Variants in FERMT1 observed in about 807,000 individuals in gnomAD.
FERMT1 encodes FERM domain containing kindlin 1.
Under a neutral mutation model 85.3 loss-of-function variants are expected in FERMT1, and 60 were observed. The ratio of observed to expected loss-of-function variants is 0.70; its 90% confidence interval spans 0.57 to 0.87. The LOEUF (loss-of-function observed/expected upper bound fraction) is 0.87. Among genes scored for constraint, FERMT1 ranks in the 40% least tolerant of loss-of-function variants. FERMT1 has a pLI of 0.00. For synonymous variants in FERMT1, 275 were observed against 301.1 expected, an observed-to-expected ratio of 0.91 and a Z score of 0.90; for missense variants, 701 against 818.9, an observed-to-expected ratio of 0.86 and a Z score of 1.76.
At position 6,085,129 on chromosome 20, in the gene FERMT1, G is replaced by T; in HGVS notation, c.1530C>A (p.Asn510Lys). Residue 510 changes from asparagine (N) to lysine (K), a missense_variant, in exon 12 of 15, where the codon AAC (asparagine) becomes AAA (lysine). By Grantham distance (94) the Asn-to-Lys change is moderately conservative (BLOSUM62 0). Coordinates refer to ENST00000217289, the MANE Select transcript of FERMT1 (RefSeq NM_017671.5). Reference sequence around the variant, plus strand: ...CAAAACATTCTGGGTTCATATCCATGTTTTCGAGACTGGAAGCCACCTGAG... The same window carrying T: ...CAAAACATTCTGGGTTCATATCCATTTTTTCGAGACTGGAAGCCACCTGAG... ...SASQVASSLE[N>K]MDMNPECFVS... The T allele has an allele frequency of 6.2e-7, 1 of 1,614,188 alleles. No individual in the cohort carries two copies.
At chr20:6,101,924 G>T (rs538617998) in intron 6 of FERMT1, among the ~76,000 whole-genome samples, 3 of 152,330 alleles carry the variant, frequency 2.0e-5, no homozygotes, top group African/African-American at 7.2e-5. Context: ...CCAAAGTGCT[G>T]GGATTACAGG....
rs111823157 is a variant in FERMT1 at position 6,084,141 on chromosome 20, C to T, written c.1617G>A (p.Ala539=). 2.6e-5 allele frequency: 42 copies of T among 1,612,802 alleles called. No homozygotes were observed. Among genetic ancestry groups the T allele is most frequent in the South Asian group, 9.9e-5 (9 of 90,880 alleles). The part of the protein sequence containing the change: ...SKQLAARILE[A]HQNVAQMPLV... ...GGGGCATCTGGGCCACGTTCTGGTG[C>T]GCCTCCAGGATCCGGGCGGCCAGCT... Residue 539 remains alanine (A), a synonymous_variant, in exon 13 of 15, where the codon GCG becomes GCA. Coordinates refer to ENST00000217289, the MANE Select transcript of FERMT1 (RefSeq NM_017671.5).
chr20:6,115,359 A>AT (rs1983067828), intron 3 of FERMT1, among the ~76,000 whole-genome samples: 1 of 152,210 alleles, frequency 6.6e-6, no homozygotes, highest in African/African-American at 2.4e-5. Context: ...TTCATAAGTG[A>AT]TTTTTATGGG....
At chr20:6,114,120 A>G (rs1432279856) in intron 3 of FERMT1, among the ~76,000 whole-genome samples, 2 of 152,202 alleles carry the variant, frequency 1.3e-5, no homozygotes, top group Non-Finnish European at 2.9e-5. Context: ...GACTGAGCCT[A>G]GCAGTTTAGC....
chr20:6,100,878 A>T (rs1982643036), intron 6 of FERMT1, among the ~76,000 whole-genome samples: 1 of 152,218 alleles, frequency 6.6e-6, no homozygotes, highest in Non-Finnish European at 1.5e-5. Context: ...TAATTAAAAA[A>T]GTTTGTAATA....
At position 6,097,023 on chromosome 20, in the gene FERMT1, C is replaced by T; in HGVS notation, c.968G>A (p.Ser323Asn). ...LIFAALQYHISKLSLSAETQD... is the reference protein window; with the variant it reads ...LIFAALQYHINKLSLSAETQD... The stretch of plus-strand genomic sequence containing the variant: ...TGTTTCAGCAGACAACGACAGTTTG[C>T]TAATGTGGTACTAAAATGAAAACAG... The change falls in exon 8 of 15, where the codon AGC becomes AAC. Residue 323 changes from serine to asparagine, a missense_variant. Ser to Asn is a conservative substitution (Grantham distance 46). Transcript: ENST00000217289. The T allele has an allele frequency of 6.2e-7, 1 of 1,613,760 alleles. No homozygotes were observed. Among genetic ancestry groups the T allele is most frequent in the Non-Finnish European group, 8.5e-7 (1 of 1,179,804 alleles).
rs570623523 is a variant in FERMT1 at position 6,079,648 on chromosome 20, C to A, written c.1719-71G>T. 3.1e-5 allele frequency: 44 copies of A among 1,421,452 alleles called. 1 individual carries two copies. In the South Asian group the frequency reaches 5.1e-4, roughly 16 times the overall value. The allele number at this position is 1,421,452 out of a possible 1,614,324, so 88.1% of individuals were successfully genotyped here. ...TAATACAATGTTCACTCACATATAA[C>A]TTCTTAAAAATACTACCAGTATTTC... On this transcript the variant is annotated intron_variant, in intron 13 of 14. Transcript: ENST00000217289.
chr20:6,107,506 A>C (rs748088604), intron 6 of FERMT1, 26 bp downstream of exon 6: 1 of 1,389,510 alleles, frequency 7.2e-7, no homozygotes, highest in Non-Finnish European at 1.0e-6. Flanking sequence ...TAAAAAGAGA[A>C]AGACAAAAGA....
rs1981784642 is a variant in FERMT1 at position 6,075,291 on chromosome 20, G to A, written c.*1882C>T. The A allele has an allele frequency of 6.6e-6, 1 of 152,344 alleles. No homozygotes were observed. Among genetic ancestry groups the A allele is most frequent in the East Asian group, 1.9e-4 (1 of 5,314 alleles). 9.4% of individuals were successfully genotyped at this position (152,344 alleles called of 1,614,324 possible). ...GCAAACAGGTAAAATCTGACATCGAGAAGCATTATTTTAATGTAGGACCAG... is the reference window on the plus strand; with the variant it reads ...GCAAACAGGTAAAATCTGACATCGAAAAGCATTATTTTAATGTAGGACCAG... On this transcript the variant is annotated 3_prime_UTR_variant, in exon 15 of 15. Transcript: ENST00000217289.
intron 4 of FERMT1, among the ~76,000 whole-genome samples, chr20:6,110,750 A>G (rs1982926321): frequency 6.6e-6 from 1 of 152,158 alleles, no homozygotes; most frequent in Non-Finnish European, 1.5e-5. Context: ...ACATAGCAAG[A>G]CTTCATCTCA....
At chr20:6,080,435 G>A (rs1011167510) in intron 13 of FERMT1, among the ~76,000 whole-genome samples, 1 of 152,124 alleles carries the variant, frequency 6.6e-6, no homozygotes, top group African/African-American at 2.4e-5. Flanking sequence ...GGCATAAGCT[G>A]TCACACCTGT....
In FERMT1 at chr20:6,105,063, C is replaced by A. The variant is rs1025414760; in HGVS notation, c.849+2469G>T. The stretch of plus-strand genomic sequence containing the variant: ...CCATCAGGTGCCTGAACTGGGAAAG[C>A]CTGACTCACAGCGTGTGGGGTGAGG... On this transcript the variant is annotated intron_variant, in intron 6 of 14. Transcript: ENST00000217289. Among the ~76,000 whole-genome samples the A allele has an allele frequency of 2.0e-5, 3 of 152,110 alleles. No homozygotes were observed. In the South Asian group the frequency reaches 6.2e-4, roughly 32 times the overall value.
Position 6,077,231 on chromosome 20 carries a change from T to A in FERMT1, c.1976A>T (p.Asp659Val). 6.2e-7 allele frequency: 1 copy of A among 1,614,102 alleles called. No homozygotes were observed. Among genetic ancestry groups the A allele is most frequent in the Non-Finnish European group, 8.5e-7 (1 of 1,180,032 alleles). ...GTCCTCATCGAGTGTTTCATTCTGGTCCTTGGAGCGGGTGGACAAGAAAAT... is the reference window on the plus strand; with the variant it reads ...GTCCTCATCGAGTGTTTCATTCTGGACCTTGGAGCGGGTGGACAAGAAAAT... Reference protein sequence around the residue: ...GYIFLSTRSKDQNETLDEDLF... With the variant: ...GYIFLSTRSKVQNETLDEDLF... Residue 659 changes from aspartate (D) to valine (V), a missense_variant, in exon 15 of 15, where the codon GAC (aspartate) becomes GTC (valine). Physicochemically the swap from Asp to Val is radical, Grantham distance 152. Transcript: ENST00000217289.
At chr20:6,119,051 G>A (rs536563814) in intron 2 of FERMT1, among the ~76,000 whole-genome samples, 2 of 151,854 alleles carry the variant, frequency 1.3e-5, no homozygotes, top group South Asian at 2.1e-4. Context: ...GGGTTCAAGC[G>A]ATTCTCCTGC....
chr20:6,099,698 G>A lies in FERMT1; in HGVS notation c.850-2067C>T, dbSNP rs184537717. Among the ~76,000 whole-genome samples, 75 of 151,436 alleles carry A rather than the reference G, an allele frequency of 5.0e-4. 1 individual carries two copies. Among genetic ancestry groups the A allele is most frequent in the African/African-American group, 1.5e-3 (61 of 41,392 alleles). On this transcript the variant is annotated intron_variant, in intron 6 of 14. Coordinates refer to ENST00000217289, the MANE Select transcript of FERMT1 (RefSeq NM_017671.5). Reference sequence around the variant, plus strand: ...TGGCCCAACCTGGGCAATGTAGCAAGACTCTTGTCTCTATTTTTTTAAAAA... The same window carrying A: ...TGGCCCAACCTGGGCAATGTAGCAAAACTCTTGTCTCTATTTTTTTAAAAA...
intron 9 of FERMT1, among the ~76,000 whole-genome samples, chr20:6,092,666 C>T (rs571480335): frequency 6.6e-6 from 1 of 152,322 alleles, no homozygotes; most frequent in South Asian, 2.1e-4. Flanking sequence ...CTTTCTTTGG[C>T]TAATGGGTAG....
At chr20:6,080,013 G>A (rs573595040) in intron 13 of FERMT1, among the ~76,000 whole-genome samples, 1 of 152,218 alleles carries the variant, frequency 6.6e-6, no homozygotes, top group Admixed American at 6.5e-5. Context: ...GGGAATACTG[G>A]TAATAAGGTG....
chr20:6,076,469 A>G lies in FERMT1; in HGVS notation c.*704T>C. ...GTGGCTGAGAGATCTGTAGGAATGG[A>G]ATGGGGCTTGCAGGTGGCCCCAGAA... is the stretch of plus-strand genomic sequence containing the variant. On this transcript the variant is annotated 3_prime_UTR_variant, in exon 15 of 15. Coordinates refer to ENST00000217289, the MANE Select transcript of FERMT1 (RefSeq NM_017671.5). 3.9e-6 allele frequency: 2 copies of G among 517,942 alleles called. No individual in the cohort carries two copies. The highest frequency in any genetic ancestry group is 3.9e-6 in the Non-Finnish European group (1 of 259,586). 32.1% of individuals were successfully genotyped at this position (517,942 alleles called of 1,614,324 possible).
intron 9 of FERMT1, 54 bp from the exon 10 acceptor site, chr20:6,089,143 C>A: frequency 6.3e-7 from 1 of 1,577,044 alleles, no homozygotes; most frequent in Non-Finnish European, 8.7e-7. Flanking sequence ...ATGTGGAACA[C>A]GCTGCAGATT....
Sources: gnomAD v4.1 joint callset for allele counts (sites outside exome capture counted in the v4.1 genomes callset) on GRCh38, gnomAD v4.1.1 for gene constraint, MANE v1.5 for transcripts, NCBI Gene and HGNC (gene_info 2026-07-23, HGNC 2026-07-21) for gene names.